GABRE: variants seen among roughly 807,000 people sequenced by gnomAD.
The protein encoded by GABRE is gamma-aminobutyric acid receptor subunit epsilon.
A neutral mutation model predicts 31.0 loss-of-function variants in GABRE; 20 were observed. The observed-to-expected ratio is 0.64, with a 90% confidence interval of 0.45 to 0.94. The LOEUF is 0.94. Ranked by LOEUF, GABRE falls within the 40% of genes least tolerant of loss-of-function variation. The pLI, the probability that GABRE is intolerant of heterozygous loss-of-function variation, is 0.00. For missense variants in GABRE, 420 were observed against 410.7 expected, an observed-to-expected ratio of 1.02 and a Z score of -0.20; for synonymous variants, 155 against 150.6, an observed-to-expected ratio of 1.03 and a Z score of -0.21.
intron 6 of GABRE, 148 bp from the exon 7 acceptor site, chrX:151,956,008 A>AC (rs1603092916): frequency 9.0e-6 from 5 of 557,051 alleles, no homozygotes; most frequent in Non-Finnish European, 2.8e-6. Context: ...TACAAATAGG[A>AC]CCAGAAGAAG....
intron 1 of GABRE, chrX:151,972,137 G>C (rs1176559548): frequency 9.3e-6 from 7 of 750,464 alleles, no homozygotes; most frequent in Non-Finnish European, 1.1e-5. Context: ...CGGACCAAGG[G>C]ACTGCCAACT....
chrX:151,955,531 G>A lies in GABRE; in HGVS notation c.974C>T (p.Thr325Ile). The A allele has an allele frequency of 8.3e-7, 1 of 1,211,666 alleles. No individual in the cohort carries two copies. The highest frequency in any genetic ancestry group is 1.1e-6 in the Non-Finnish European group (1 of 895,346). The change falls in exon 8 of 9, where the codon ACC becomes ATC. Residue 325 changes from threonine (T) to isoleucine (I), a missense_variant. Thr to Ile is a moderately conservative substitution (Grantham distance 89). Transcript: ENST00000370328. ...TSVLTMTTLG[T>I]FSRKNFPRVS... ...ACGCGGGAAATTCTTACGAGAAAAG[G>A]TGCCCAACGTGGTCATGGTCAGAAC...
At position 151,970,323 on chromosome X, in the gene GABRE, C is replaced by T. The variant is rs1934654529; in HGVS notation, c.136G>A (p.Glu46Lys). 5.0e-6 allele frequency: 6 copies of T among 1,210,330 alleles called. No individual in the cohort carries two copies. Among genetic ancestry groups the T allele is most frequent in the Middle Eastern group, 2.4e-4 (1 of 4,191 alleles). The change falls in exon 2 of 9, where the codon GAA becomes AAA. Residue 46 changes from glutamate (E) to lysine (K), a missense_variant. Transcript: ENST00000370328. ...GTTTCCTCAGAGAGGAGCTGATTTT[C>T]CAGAGGCTGGGGCTGGGGGCCATAG... ...VVYGPQPQPL[E>K]NQLLSEETKS...
intron 1 of GABRE, 37 bp downstream of exon 1, chrX:151,974,533 G>C (rs200327665): frequency 2.1e-4 from 218 of 1,054,600 alleles, no homozygotes; most frequent in Non-Finnish European, 2.7e-4. Flanking sequence ...AGGGAGCTGG[G>C]CGCGAAGGGC....
intron 8 of GABRE, 86 bp from the exon 9 acceptor site, chrX:151,955,170 T>C: frequency 8.5e-7 from 1 of 1,174,252 alleles, no homozygotes; most frequent in Non-Finnish European, 1.1e-6. Flanking sequence ...CTGGAAACTG[T>C]CTTTGGCACA....
chrX:151,955,632 C>T (rs1208415393), intron 7 of GABRE, 65 bp from the exon 8 acceptor site: 1 of 1,198,208 alleles, frequency 8.3e-7, no homozygotes, highest in Non-Finnish European at 1.1e-6. Flanking sequence ...TAAAAGACTC[C>T]ATGACAAGGC....
rs773238598 is a variant in GABRE at position 151,955,026 on chromosome X, C to T, written c.1196G>A (p.Arg399His). The T allele has an allele frequency of 3.2e-5, 39 of 1,201,892 alleles. No individual in the cohort carries two copies. In the Middle Eastern group the frequency reaches 6.9e-4, roughly 21 times the overall value. Residue 399 changes from arginine (R) to histidine (H), a missense_variant, in exon 9 of 9, where the codon CGC (arginine) becomes CAC (histidine). Coordinates refer to ENST00000370328, the MANE Select transcript of GABRE (RefSeq NM_004961.4). ...RTRARSRACA[R>H]QHQEAFVCQI... ...GCACACAAAAGCTTCCTGATGTTGGCGGGCACAGGCTCGGGAACGTGCACG... is the reference window on the plus strand; with the variant it reads ...GCACACAAAAGCTTCCTGATGTTGGTGGGCACAGGCTCGGGAACGTGCACG...
chrX:151,961,502 GT>G, intron 4 of GABRE, 137 bp from the exon 5 acceptor site: 1 of 452,756 alleles, frequency 2.2e-6, no homozygotes, highest in Non-Finnish European at 3.9e-6. Flanking sequence ...GTCTCACTCT[GT>G]CACCCAGGCT....
Position 151,974,608 on chromosome X carries a change from A to G in GABRE, c.18T>C (p.Leu6=), listed in dbSNP as rs1226987525. Reference sequence around the variant, plus strand: ...TCAATAAGATGCCTAGGAGGACTGGAAGAACTTTGGACAACATTTCCGCGG... The same window carrying G: ...TCAATAAGATGCCTAGGAGGACTGGGAGAACTTTGGACAACATTTCCGCGG... MLSKV[L]PVLLGILLIL... Residue 6 remains leucine (L), a synonymous_variant, in exon 1 of 9, where the codon CTT becomes CTC. Coordinates refer to ENST00000370328, the MANE Select transcript of GABRE (RefSeq NM_004961.4). 8.5e-7 allele frequency: 1 copy of G among 1,178,007 alleles called. No individual in the cohort carries two copies. The highest frequency in any genetic ancestry group is 2.3e-5 in the Admixed American group (1 of 42,688).
Position 151,971,548 on chromosome X carries a change from T to C in GABRE, c.57-1146A>G, listed in dbSNP as rs1934694491. On this transcript the variant is annotated intron_variant, in intron 1 of 8. Coordinates refer to ENST00000370328, the MANE Select transcript of GABRE (RefSeq NM_004961.4). Reference sequence around the variant, plus strand: ...TGAAATATTAATGACTAGAAATACATACTAAAACAATTACATATAAAATGA... The same window carrying C: ...TGAAATATTAATGACTAGAAATACACACTAAAACAATTACATATAAAATGA... 4 of 158,615 alleles carry C rather than the reference T, an allele frequency of 2.5e-5. No homozygotes were observed. The South Asian group carries it at 3.8e-4, about 15-fold the overall frequency. The allele number at this position is 158,615 out of a possible 1,213,427, so 13.1% of individuals were successfully genotyped here.
chrX:151,954,799 T>C lies in GABRE; in HGVS notation c.1423A>G (p.Ile475Val). The C allele has an allele frequency of 1.7e-6, 2 of 1,211,868 alleles. No individual in the cohort carries two copies. The highest frequency in any genetic ancestry group is 2.2e-6 in the Non-Finnish European group (2 of 895,396). ...TAGTTATCCAGGCGGTAGACATGGA[T>C]GCAGAGGCGGCCCTGCTGCCAGGTA... ...GSTWQQGRLC[I>V]HVYRLDNYSR... The change falls in exon 9 of 9, where the codon ATC (isoleucine) becomes GTC (valine). Residue 475 changes from isoleucine to valine, a missense_variant. Transcript: ENST00000370328.
At chrX:151,964,372 G>C (rs1934468724) in intron 3 of GABRE, among the ~76,000 whole-genome samples, 1 of 111,871 alleles carries the variant, frequency 8.9e-6, no homozygotes, top group East Asian at 2.8e-4. Context: ...GGACCCTTTG[G>C]AATCCACTTA....
At chrX:151,968,823 T>A (rs987419399) in intron 3 of GABRE, among the ~76,000 whole-genome samples, 2 of 111,733 alleles carry the variant, frequency 1.8e-5, no homozygotes, top group African/African-American at 6.5e-5. Context: ...TACAATGAAA[T>A]GATGTAGGCA....
chrX:151,970,992 A>G, intron 1 of GABRE: 2 of 537,430 alleles, frequency 3.7e-6, no homozygotes, highest in South Asian at 7.0e-5. Context: ...CTCCACCCAC[A>G]GACAGCCATC....
At chrX:151,963,171 T>C (rs1348532835) in intron 3 of GABRE, among the ~76,000 whole-genome samples, 1 of 112,182 alleles carries the variant, frequency 8.9e-6, no homozygotes, top group Non-Finnish European at 1.9e-5. Flanking sequence ...ATATCTTTAA[T>C]GGGGCATTTC....
intron 6 of GABRE, chrX:151,958,123 T>C (rs1409834052): frequency 8.4e-5 from 10 of 119,504 alleles, no homozygotes; most frequent in Non-Finnish European, 1.7e-5. Context: ...GAGAGTTTTT[T>C]GATGAACAGA....
intron 1 of GABRE, chrX:151,972,727 A>C (rs1247944249): frequency 7.3e-6 from 5 of 686,318 alleles, no homozygotes; most frequent in African/African-American, 7.2e-5. Context: ...AAAAAAAAAA[A>C]ACACAACAAT....
At chrX:151,956,493 T>C (rs12011671) in intron 6 of GABRE, 36,053 of 111,313 alleles carry the variant, frequency 0.32, 4,331 homozygotes, top group East Asian at 0.49. Flanking sequence ...TGGAATCTGA[T>C]GCTAAAGGCC....
Position 151,958,349 on chromosome X carries a change from C to T in GABRE, c.784+1490G>A, listed in dbSNP as rs1262724308. 11 of 233,259 alleles carry T rather than the reference C, an allele frequency of 4.7e-5. No individual in the cohort carries two copies. The East Asian group carries it at 1.2e-3, about 26-fold the overall frequency. 19.2% of individuals were successfully genotyped at this position (233,259 alleles called of 1,213,427 possible). On this transcript the variant is annotated intron_variant, in intron 6 of 8. Coordinates refer to ENST00000370328, the MANE Select transcript of GABRE (RefSeq NM_004961.4). ...CCACTGCATTCTGAACCCTTAATCG[C>T]CGAGCACGTAAGTATGCTCCAGATG... is the stretch of plus-strand genomic sequence containing the variant.
Sources: allele counts gnomAD v4.1 joint callset (sites outside exome capture counted in the v4.1 genomes callset), GRCh38; gene constraint gnomAD v4.1.1; transcripts MANE v1.5; gene names NCBI Gene and HGNC (gene_info 2026-07-23, HGNC 2026-07-21).